STXBP4: variants seen among roughly 807,000 people sequenced by gnomAD.
The protein encoded by STXBP4 is syntaxin binding protein 4.
In STXBP4, 55 loss-of-function variants were observed where a neutral mutation model predicts 76.1. That is an observed-to-expected ratio of 0.72 (90% CI 0.58 to 0.91). The LOEUF (loss-of-function observed/expected upper bound fraction) is 0.91, where lower values mean the gene tolerates loss of function less well. STXBP4 is among the 40% of genes least tolerant of loss of function. STXBP4 has a pLI of 0.00. For missense variants in STXBP4, 618 were observed against 636.9 expected, an observed-to-expected ratio of 0.97 and a Z score of 0.32; for synonymous variants, 201 against 220.2, an observed-to-expected ratio of 0.91 and a Z score of 0.77.
intron 2 of STXBP4, among the ~76,000 whole-genome samples, 167 bp from the exon 3 acceptor site, chr17:54,985,975 G>A (rs1264126826): frequency 6.6e-6 from 1 of 152,044 alleles, no homozygotes; most frequent in African/African-American, 2.4e-5. Context: ...GGATGTTATT[G>A]TCAATGATAA....
chr17:55,052,422 A>G (rs1005597538), intron 12 of STXBP4, among the ~76,000 whole-genome samples: 1 of 152,194 alleles, frequency 6.6e-6, no homozygotes, highest in African/African-American at 2.4e-5. Context: ...TGATTAATTA[A>G]TTAATAGGGA....
At chr17:55,035,910 T>C (rs1480025644) in intron 10 of STXBP4, among the ~76,000 whole-genome samples, 11 of 152,016 alleles carry the variant, frequency 7.2e-5, no homozygotes, top group Non-Finnish European at 1.5e-4. Flanking sequence ...ATTTTATATA[T>C]TTATTGTGTA....
intron 16 of STXBP4, among the ~76,000 whole-genome samples, chr17:55,118,071 C>T (rs1171478606): frequency 2.0e-5 from 3 of 151,900 alleles, no homozygotes; most frequent in African/African-American, 4.8e-5. Context: ...TGATATGTCA[C>T]GCATTTTGCT....
At chr17:55,078,261 G>T (rs942281208) in intron 14 of STXBP4, 67 bp downstream of exon 14, 3 of 1,040,874 alleles carry the variant, frequency 2.9e-6, no homozygotes, top group Non-Finnish European at 4.3e-6. Flanking sequence ...ATAGATAAAT[G>T]TTACTGTATT....
At position 55,170,241 on chromosome 17, in the gene STXBP4, A is replaced by G. The variant is rs1485700724; in HGVS notation, c.*10330A>G. 3 of 152,152 alleles carry G rather than the reference A, an allele frequency of 2.0e-5. No homozygotes were observed. Among genetic ancestry groups the G allele is most frequent in the African/African-American group, 7.2e-5 (3 of 41,448 alleles). 9.4% of individuals were successfully genotyped at this position (152,152 alleles called of 1,614,324 possible). A position where few individuals can be genotyped will look rare whatever the true frequency, so the allele number is the denominator to read the frequency against. On this transcript the variant is annotated 3_prime_UTR_variant, in exon 18 of 18. Transcript: ENST00000376352. ...TATTAAAGCATGATTTAAAATAGAA[A>G]TGATTGCCTAAATTCCTGAAAACAG...
chr17:54,976,333 G>T (rs2077473285), intron 1 of STXBP4, among the ~76,000 whole-genome samples: 1 of 152,186 alleles, frequency 6.6e-6, no homozygotes, highest in Non-Finnish European at 1.5e-5. Context: ...AGGACCAATT[G>T]TCCCATAGAA....
chr17:55,072,860 T>A, intron 12 of STXBP4, 40 bp from the exon 13 acceptor site: 7 of 1,546,804 alleles, frequency 4.5e-6, no homozygotes, highest in Non-Finnish European at 6.1e-6. Flanking sequence ...GAACTATTTC[T>A]TATGTATTTT....
Position 55,036,288 on chromosome 17 carries a change from G to A in STXBP4, c.855+2029G>A, listed in dbSNP as rs181897090. On this transcript the variant is annotated intron_variant, in intron 10 of 17. Coordinates refer to ENST00000376352, the MANE Select transcript of STXBP4 (RefSeq NM_178509.6). Reference sequence around the variant, plus strand: ...ATAGATTATCTTGGGAAGAATCAACGTCTTTATAAATTTAAGTTTCTGTGA... The same window carrying A: ...ATAGATTATCTTGGGAAGAATCAACATCTTTATAAATTTAAGTTTCTGTGA... 3.2e-4 allele frequency among the ~76,000 whole-genome samples: 48 copies of A among 151,790 alleles called. 1 individual carries two copies. The East Asian group carries it at 3.7e-3, about 12-fold the overall frequency.
At chr17:55,127,225 A>G (rs1188927976) in intron 16 of STXBP4, among the ~76,000 whole-genome samples, 1 of 152,230 alleles carries the variant, frequency 6.6e-6, no homozygotes, top group Non-Finnish European at 1.5e-5. Flanking sequence ...TGTGGAATAA[A>G]TAGACTATTA....
intron 1 of STXBP4, among the ~76,000 whole-genome samples, chr17:54,982,967 G>T (rs2077571562): frequency 6.6e-6 from 1 of 152,086 alleles, no homozygotes; most frequent in Non-Finnish European, 1.5e-5. Flanking sequence ...GAAAGAGCAG[G>T]GTTCAAACTC....
intron 1 of STXBP4, among the ~76,000 whole-genome samples, chr17:54,969,502 A>C (rs1311787434): frequency 6.6e-6 from 1 of 152,216 alleles, no homozygotes; most frequent in Non-Finnish European, 1.5e-5. Context: ...CTGTGCCCTT[A>C]GGTCAGTTAC....
In STXBP4 at chr17:55,165,724, C is replaced by A. The variant is rs369724503; in HGVS notation, c.*5813C>A. On this transcript the variant is annotated 3_prime_UTR_variant, in exon 18 of 18. Coordinates refer to ENST00000376352, the MANE Select transcript of STXBP4 (RefSeq NM_178509.6). ...CCCAAGGTACCAGTATTAAGAGGTA[C>A]GGCTCTGAGGAGGTGATTAGGTCAT... 3.3e-5 allele frequency: 5 copies of A among 152,194 alleles called. No homozygotes were observed. Among genetic ancestry groups the A allele is most frequent in the African/African-American group, 1.2e-4 (5 of 41,414 alleles). 9.4% of individuals were successfully genotyped at this position (152,194 alleles called of 1,614,324 possible).
At chr17:54,982,663 C>A (rs1205754196) in intron 1 of STXBP4, among the ~76,000 whole-genome samples, 1 of 151,208 alleles carries the variant, frequency 6.6e-6, no homozygotes, top group Non-Finnish European at 1.5e-5. Flanking sequence ...TTACTGGAAT[C>A]CCTGTTGGCT....
At position 55,171,122 on chromosome 17, in the gene STXBP4, G is replaced by A. The variant is rs1029634627; in HGVS notation, c.*11211G>A. 1 of 152,312 alleles carries A rather than the reference G, an allele frequency of 6.6e-6. No homozygotes were observed. The highest frequency in any genetic ancestry group is 1.5e-5 in the Non-Finnish European group (1 of 68,022). The allele number at this position is 152,312 out of a possible 1,614,324, so 9.4% of individuals were successfully genotyped here. On this transcript the variant is annotated 3_prime_UTR_variant, in exon 18 of 18. Coordinates refer to ENST00000376352, the MANE Select transcript of STXBP4 (RefSeq NM_178509.6). ...ACCAGCAATGGATTTTAGCAGAGTT[G>A]ATGCATCATTAGGATTTTCACATTA...
At chr17:55,190,745 G>A in the STXBP4 span, among the ~76,000 whole-genome samples, 1 of 152,152 alleles carries the variant, frequency 6.6e-6, no homozygotes, top group Admixed American at 6.5e-5. Context: ...CTTTTACACT[G>A]TGTATATAAG....
chr17:55,031,053 C>G (rs1291717992), intron 8 of STXBP4, 115 bp from the exon 9 acceptor site: 2 of 728,884 alleles, frequency 2.7e-6, no homozygotes, highest in Non-Finnish European at 4.5e-6. Flanking sequence ...GGTGTTTAAT[C>G]CTGGTCGACT....
downstream of STXBP4, among the ~76,000 whole-genome samples, chr17:55,174,390 G>GT (rs746980744): frequency 6.6e-6 from 1 of 152,090 alleles, no homozygotes; most frequent in Admixed American, 6.6e-5. Context: ...TTTCTCATGG[G>GT]TATGTAGTGG....
At chr17:55,036,142 T>G (rs1306212004) in intron 10 of STXBP4, among the ~76,000 whole-genome samples, 1 of 152,012 alleles carries the variant, frequency 6.6e-6, no homozygotes, top group East Asian at 1.9e-4. Flanking sequence ...GTTATGTCCT[T>G]TGACATCACT....
At chr17:55,006,140 C>G (rs2078004709) in intron 7 of STXBP4, among the ~76,000 whole-genome samples, 1 of 151,906 alleles carries the variant, frequency 6.6e-6, no homozygotes. Flanking sequence ...CTATTTAATA[C>G]TAAAATCAGT....
Sources: gnomAD v4.1 joint callset for allele counts (sites outside exome capture counted in the v4.1 genomes callset) on GRCh38, gnomAD v4.1.1 for gene constraint, MANE v1.5 for transcripts, NCBI Gene and HGNC (gene_info 2026-07-23, HGNC 2026-07-21) for gene names.